CDKL4: variants seen among roughly 807,000 people sequenced by gnomAD.
The protein encoded by CDKL4 is cyclin dependent kinase like 4.
CDKL4 carries 44 observed loss-of-function variants against 42.0 expected under a neutral mutation model. That is an observed-to-expected ratio of 1.05 (90% CI 0.82 to 1.35). The LOEUF is 1.35. Ranked by LOEUF, CDKL4 falls within the 40% of genes most tolerant of loss-of-function variation. The pLI is 0.00. For missense variants in CDKL4, 393 were observed against 369.9 expected (o/e 1.06, Z -0.51); for synonymous variants, 120 against 121.6 (o/e 0.99, Z 0.09).
exon 5 of CDKL4, chr2:39,204,557 T>A (rs1187674026): frequency 6.2e-7 from 1 of 1,610,044 alleles, no homozygotes; most frequent in East Asian, 2.2e-5. Context: ...AAGTCACAAA[T>A]CTTGATTATT....
chr2:39,225,991 G>A, intron 2 of CDKL4, 31 bp from the exon 3 acceptor site: 1 of 1,598,110 alleles, frequency 6.3e-7, no homozygotes, highest in Non-Finnish European at 8.5e-7. Context: ...AAAGTTAAGT[G>A]ATCTGTTACT....
intron 1 of CDKL4, among the ~76,000 whole-genome samples, chr2:39,241,306 T>C (rs1679648936): frequency 6.6e-6 from 1 of 152,160 alleles, no homozygotes; most frequent in African/African-American, 2.4e-5. Context: ...ACATAAAAAT[T>C]GAGCAAAACG....
chr2:39,213,924 GTT>G (rs943747807), intron 3 of CDKL4, among the ~76,000 whole-genome samples: 4 of 147,090 alleles, frequency 2.7e-5, no homozygotes, highest in Admixed American at 1.4e-4. Flanking sequence ...GTTTTGTTTT[GTT>G]TTGTTTTTTG....
upstream of CDKL4, among the ~76,000 whole-genome samples, chr2:39,245,772 T>C (rs1679890394): frequency 6.6e-6 from 1 of 152,224 alleles, no homozygotes; most frequent in Non-Finnish European, 1.5e-5. Context: ...TCATTAGTCA[T>C]TACTTTTCGG....
intron 2 of CDKL4, among the ~76,000 whole-genome samples, chr2:39,226,466 T>A (rs916384650): frequency 5.1e-5 from 5 of 97,416 alleles, no homozygotes; most frequent in East Asian, 2.6e-4. Context: ...TTATATATAT[T>A]ATATATATAT....
chr2:39,173,917 AG>A (rs1178006431), downstream of CDKL4, among the ~76,000 whole-genome samples: 1 of 151,914 alleles, frequency 6.6e-6, no homozygotes, highest in Non-Finnish European at 1.5e-5. Flanking sequence ...CAGGAGGTCG[AG>A]GGTGCAGTGA....
downstream of CDKL4, among the ~76,000 whole-genome samples, chr2:39,173,899 C>T (rs923534983): frequency 2.0e-5 from 3 of 151,538 alleles, no homozygotes; most frequent in South Asian, 2.1e-4. Flanking sequence ...AGGAGGATTG[C>T]TTGAGCCCAG....
At chr2:39,239,482 A>T (rs1315193760) in intron 1 of CDKL4, among the ~76,000 whole-genome samples, 1 of 152,250 alleles carries the variant, frequency 6.6e-6, no homozygotes, top group African/African-American at 2.4e-5. Flanking sequence ...TTGTATCCAG[A>T]ATACATAGAG....
intron 9 of CDKL4, chr2:39,178,950 T>G: frequency 1.4e-6 from 2 of 1,442,990 alleles, no homozygotes; most frequent in Admixed American, 5.8e-5. Flanking sequence ...AGCCAAAGAG[T>G]TGCGTAACGA....
intron 1 of CDKL4, among the ~76,000 whole-genome samples, chr2:39,243,313 T>A (rs1032487267): frequency 1.3e-5 from 2 of 152,190 alleles, no homozygotes; most frequent in African/African-American, 4.8e-5. Context: ...ATTAAATCAT[T>A]GTTTTATCAA....
chr2:39,182,126 C>T (rs1274412607), intron 8 of CDKL4, among the ~76,000 whole-genome samples: 1 of 152,106 alleles, frequency 6.6e-6, no homozygotes, highest in Non-Finnish European at 1.5e-5. Flanking sequence ...GGACTAAAGG[C>T]AAATGCCACC....
At chr2:39,244,177 C>T (rs995957638), upstream of CDKL4, among the ~76,000 whole-genome samples, 3 of 152,242 alleles carry the variant, frequency 2.0e-5, no homozygotes, top group South Asian at 2.1e-4. Flanking sequence ...TTTGGCGGCA[C>T]TTGAGGAGCC....
chr2:39,181,012 G>A (rs1275237769), intron 8 of CDKL4, among the ~76,000 whole-genome samples: 2 of 152,218 alleles, frequency 1.3e-5, no homozygotes, highest in South Asian at 2.1e-4. Flanking sequence ...AATACAAACT[G>A]TGATAGTCTC....
chr2:39,211,036 C>T (rs1006549518), intron 4 of CDKL4, among the ~76,000 whole-genome samples: 3 of 152,132 alleles, frequency 2.0e-5, no homozygotes, highest in Admixed American at 6.6e-5. Context: ...CAAAACTGAC[C>T]ATATGGTACT....
Position 39,225,970 on chromosome 2 carries a change from A to C in CDKL4, c.169-10T>G, listed in dbSNP as rs1403298588. 14 of 1,606,382 alleles carry C rather than the reference A, an allele frequency of 8.7e-6. No homozygotes were observed. In the African/African-American group the frequency reaches 1.5e-4, roughly 17 times the overall value. On this transcript the variant is annotated splice_polypyrimidine_tract_variant and intron_variant, in intron 2 of 9. Transcript: ENST00000451199. Reference sequence around the variant, plus strand: ...TTGGATGTTTTAATTGCTGTGAAAGAATTGAAATGCAAAGTTAAGTGATCT... The same window carrying C: ...TTGGATGTTTTAATTGCTGTGAAAGCATTGAAATGCAAAGTTAAGTGATCT...
At chr2:39,199,461 A>G (rs556814559) in intron 5 of CDKL4, among the ~76,000 whole-genome samples, 23 of 152,298 alleles carry the variant, frequency 1.5e-4, no homozygotes, top group South Asian at 4.1e-4. Context: ...AAAGACAGAG[A>G]AAGGGAATCC....
At chr2:39,231,981 A>G (rs917391532) in intron 1 of CDKL4, among the ~76,000 whole-genome samples, 3 of 152,236 alleles carry the variant, frequency 2.0e-5, no homozygotes, top group Non-Finnish European at 1.5e-5. Flanking sequence ...AACCTACTTG[A>G]TAAGTACTAC....
At position 39,242,538 on chromosome 2, in the gene CDKL4, C is replaced by A. The variant is rs180797523; in HGVS notation, c.-57+1333G>T. Among the ~76,000 whole-genome samples, 14 of 152,304 alleles carry A rather than the reference C, an allele frequency of 9.2e-5. No individual in the cohort carries two copies. The East Asian group carries it at 2.7e-3, about 29-fold the overall frequency. ...GGTAGATAGATACTTGAGTGGCTCA[C>A]TAAATTCTTTGAAAATTTCTATTTA... On this transcript the variant is annotated intron_variant, in intron 1 of 9. Transcript: ENST00000451199.
intron 9 of CDKL4, among the ~76,000 whole-genome samples, chr2:39,177,939 T>C (rs989389400): frequency 6.6e-6 from 1 of 152,214 alleles, no homozygotes; most frequent in African/African-American, 2.4e-5. Flanking sequence ...TCTGCCCACC[T>C]TGGCCTCCCA....
Sources: gnomAD v4.1 joint callset for allele counts (sites outside exome capture counted in the v4.1 genomes callset) on GRCh38, gnomAD v4.1.1 for gene constraint, MANE v1.5 for transcripts, NCBI Gene and HGNC (gene_info 2026-07-23, HGNC 2026-07-21) for gene names.